The following CPQ variants were observed in gnomAD, a reference collection of about 807,000 sequenced individuals.
The protein encoded by CPQ is carboxypeptidase Q.
Under a neutral mutation model 45.7 loss-of-function variants are expected in CPQ, and 37 were observed. The ratio of observed to expected loss-of-function variants is 0.81; its 90% CI spans 0.62 to 1.07. CPQ has a LOEUF of 1.07. CPQ is among the 50% of genes least tolerant of loss of function. The probability of loss-of-function intolerance (pLI) is 0.00; values close to 1 mark genes in which losing one functional copy is unlikely to be tolerated. For synonymous variants in CPQ, 186 were observed against 205.8 expected (o/e 0.90, Z 0.82); for missense variants, 537 against 572.9 (o/e 0.94, Z 0.64).
At chr8:96,934,739 A>G (rs958120859) in intron 4 of CPQ, among the ~76,000 whole-genome samples, 2 of 151,942 alleles carry the variant, frequency 1.3e-5, no homozygotes, top group African/African-American at 4.8e-5. Context: ...TTTGATTCTT[A>G]TTTCCACCCT....
chr8:97,008,218 C>T (rs772907190), intron 5 of CPQ, among the ~76,000 whole-genome samples: 1 of 152,090 alleles, frequency 6.6e-6, no homozygotes, highest in Non-Finnish European at 1.5e-5. Flanking sequence ...AAATTTGATG[C>T]TTTGTGCTAT....
chr8:97,126,869 C>G (rs183206282), intron 7 of CPQ, among the ~76,000 whole-genome samples: 7 of 152,164 alleles, frequency 4.6e-5, no homozygotes, highest in Admixed American at 6.5e-5. Flanking sequence ...TAGGTCTATG[C>G]GTATATGGTC....
rs559646946 is a variant in CPQ at position 96,949,779 on chromosome 8, T to G, written c.850-16156T>G. 2.6e-5 allele frequency among the ~76,000 whole-genome samples: 4 copies of G among 152,236 alleles called. No individual in the cohort carries two copies. In the South Asian group the frequency reaches 8.3e-4, roughly 32 times the overall value. On this transcript the variant is annotated intron_variant, in intron 4 of 7. Transcript: ENST00000220763. ...AGTGAGCCAATTTTAGATTCTCTTA[T>G]CCTGTAGGAGCAGAATGCCCAGCAG...
chr8:96,707,513 T>C (rs1269951667), intron 1 of CPQ, among the ~76,000 whole-genome samples: 1 of 152,032 alleles, frequency 6.6e-6, no homozygotes, highest in Non-Finnish European at 1.5e-5. Context: ...TAGCATATTT[T>C]ATGTGTGGCC....
chr8:96,962,312 G>A (rs1237550653), intron 4 of CPQ, among the ~76,000 whole-genome samples: 1 of 152,178 alleles, frequency 6.6e-6, no homozygotes, highest in Admixed American at 6.5e-5. Flanking sequence ...ACTCTATACT[G>A]CATTTGGAAA....
intron 5 of CPQ, among the ~76,000 whole-genome samples, chr8:96,989,494 AGGAGAGGAGAGGAGAGGAGC>A (rs1183173677): frequency 1.4e-5 from 2 of 146,438 alleles, no homozygotes; most frequent in East Asian, 4.1e-4. Flanking sequence ...AGGGGAGTGG[AGGAGAGGAGAGGAGAGGAGC>A]GGAGAGGAGA....
Position 96,847,035 on chromosome 8 carries a change from T to G in CPQ, c.641+11855T>G, listed in dbSNP as rs937135410. 5.3e-5 allele frequency among the ~76,000 whole-genome samples: 8 copies of G among 152,244 alleles called. No individual in the cohort carries two copies. The East Asian group carries it at 5.8e-4, about 11-fold the overall frequency. ...AAATATATTTGGCAAGGGTTCTATA[T>G]GGATAATGTCATGCCCCTCATTGCA... On this transcript the variant is annotated intron_variant, in intron 3 of 7. Coordinates refer to ENST00000220763, the MANE Select transcript of CPQ (RefSeq NM_016134.4).
At chr8:97,058,451 C>G (rs1810491139) in intron 6 of CPQ, among the ~76,000 whole-genome samples, 1 of 152,056 alleles carries the variant, frequency 6.6e-6, no homozygotes, top group South Asian at 2.1e-4. Context: ...AGAAACACAT[C>G]TTTATGTGTT....
chr8:96,793,337 C>T (rs184407046), intron 2 of CPQ, among the ~76,000 whole-genome samples: 36 of 152,240 alleles, frequency 2.4e-4, no homozygotes, highest in African/African-American at 8.2e-4. Context: ...GCCTCACAAT[C>T]GTGGCAGAAA....
chr8:97,134,122 ATCTT>A (rs1300365738), intron 7 of CPQ, among the ~76,000 whole-genome samples: 2 of 152,194 alleles, frequency 1.3e-5, no homozygotes, highest in African/African-American at 4.8e-5. Flanking sequence ...GATGGAGTCA[ATCTT>A]TATTTCTGCT....
intron 4 of CPQ, among the ~76,000 whole-genome samples, chr8:96,948,792 G>A (rs1813222488): frequency 6.6e-6 from 1 of 151,920 alleles, no homozygotes; most frequent in Non-Finnish European, 1.5e-5. Flanking sequence ...CTTCAGTTCT[G>A]TTAATGTTTG....
At chr8:97,078,088 G>A (rs1321600504) in intron 7 of CPQ, among the ~76,000 whole-genome samples, 1 of 152,144 alleles carries the variant, frequency 6.6e-6, no homozygotes, top group South Asian at 2.1e-4. Context: ...AATATTTGAT[G>A]TGTTTCATTC....
rs542148385 is a variant in CPQ, at chr8:96,836,814, A to G, written c.641+1634A>G. Among the ~76,000 whole-genome samples the G allele has an allele frequency of 6.0e-5, 9 of 150,342 alleles. No individual in the cohort carries two copies. In the South Asian group the frequency reaches 1.9e-3, roughly 32 times the overall value. On this transcript the variant is annotated intron_variant, in intron 3 of 7. Coordinates refer to ENST00000220763, the MANE Select transcript of CPQ (RefSeq NM_016134.4). ...TGGCATTTTTTTTTTTTTTTCTGGCATAATGAAGACATCTGGAAACCCAAG... is the reference window on the plus strand; with the variant it reads ...TGGCATTTTTTTTTTTTTTTCTGGCGTAATGAAGACATCTGGAAACCCAAG...
intron 4 of CPQ, among the ~76,000 whole-genome samples, chr8:96,897,814 T>C (rs112982396): frequency 0.015 from 2,323 of 152,244 alleles, 37 homozygotes; most frequent in Middle Eastern, 0.027. Flanking sequence ...TTTGTTTGTT[T>C]GGTTGGTTGG....
At chr8:96,812,640 AAGAGATCT>A (rs1188989617) in intron 2 of CPQ, among the ~76,000 whole-genome samples, 1 of 152,098 alleles carries the variant, frequency 6.6e-6, no homozygotes, top group Non-Finnish European at 1.5e-5. Flanking sequence ...GAGTGGTTAG[AAGAGATCT>A]TTAGATAAGA....
At chr8:96,882,504 GC>G (rs1277059696) in intron 4 of CPQ, among the ~76,000 whole-genome samples, 1 of 152,142 alleles carries the variant, frequency 6.6e-6, no homozygotes, top group Non-Finnish European at 1.5e-5. Context: ...TAATACTATC[GC>G]TGTTTGGTCG....
rs144980300 is a variant in CPQ, at chr8:96,794,345, C to T, written c.433+9015C>T. 6.1e-3 allele frequency among the ~76,000 whole-genome samples: 929 copies of T among 152,268 alleles called. 8 individuals carry two copies. The highest frequency in any genetic ancestry group is 9.7e-3 in the Non-Finnish European group (657 of 68,006). The stretch of plus-strand genomic sequence containing the variant: ...GCGTGAGGCTTGTGCCCTCTGAAGC[C>T]GTGGTTCAGATTCTACATTGGCCCC... On this transcript the variant is annotated intron_variant, in intron 2 of 7. Transcript: ENST00000220763.
chr8:96,728,051 T>C (rs943066137), intron 1 of CPQ, among the ~76,000 whole-genome samples: 1 of 152,174 alleles, frequency 6.6e-6, no homozygotes, highest in Non-Finnish European at 1.5e-5. Context: ...TGCCTGTTCC[T>C]GCCAAGGTGT....
chr8:96,788,528 A>G (rs938520481), intron 2 of CPQ, among the ~76,000 whole-genome samples: 2 of 151,974 alleles, frequency 1.3e-5, no homozygotes, highest in Admixed American at 6.6e-5. Context: ...GTGCTGAGTC[A>G]TGTCTTCTTT....
Sources: gnomAD v4.1 joint callset for allele counts (sites outside exome capture counted in the v4.1 genomes callset) on GRCh38, gnomAD v4.1.1 for gene constraint, MANE v1.5 for transcripts, NCBI Gene and HGNC (gene_info 2026-07-23, HGNC 2026-07-21) for gene names.